Variants in ARMH4 observed in about 807,000 individuals in gnomAD.
The protein encoded by ARMH4 is armadillo like helical domain containing 4.
Under a neutral mutation model 61.9 loss-of-function variants are expected in ARMH4, and 49 were observed. The ratio of observed to expected loss-of-function variants is 0.79; its 90% confidence interval spans 0.63 to 1.00. ARMH4 has a LOEUF of 1.00. ARMH4 is among the 50% of genes least tolerant of loss of function. The probability of loss-of-function intolerance (pLI) is 0.00; values close to 1 mark genes in which losing one functional copy is unlikely to be tolerated. For missense variants in ARMH4, 934 were observed against 930.0 expected (o/e 1.00, Z -0.06); for synonymous variants, 368 against 341.5 (o/e 1.08, Z -0.85).
At chr14:58,115,741 A>T (rs982774414) in intron 4 of ARMH4, among the ~76,000 whole-genome samples, 2 of 152,212 alleles carry the variant, frequency 1.3e-5, no homozygotes, top group Non-Finnish European at 2.9e-5. Context: ...AGCCATAAAA[A>T]ATCATTTCCT....
chr14:58,138,352 G>T lies in ARMH4; in HGVS notation c.1007C>A (p.Thr336Asn), dbSNP rs150529024. The part of the protein sequence containing the change: ...RTPKLGDNEE[T>N]QVRTEMSQTA... The stretch of plus-strand genomic sequence containing the variant: ...CTGAGACATCTCCGTTCTCACCTGA[G>T]TCTCTTCATTGTCTCCAAGCTTGGG... Residue 336 changes from threonine to asparagine, a missense_variant, in exon 2 of 8, where the codon ACT (threonine) becomes AAT (asparagine). By Grantham distance (65) the Thr-to-Asn change is moderately conservative. Transcript: ENST00000267485. 4 of 1,614,128 alleles carry T rather than the reference G, an allele frequency of 2.5e-6. No homozygotes were observed. The highest frequency in any genetic ancestry group is 1.6e-4 in the Middle Eastern group (1 of 6,062).
intron 5 of ARMH4, among the ~76,000 whole-genome samples, chr14:58,020,953 G>A (rs764973608): frequency 6.6e-6 from 1 of 151,978 alleles, no homozygotes; most frequent in Non-Finnish European, 1.5e-5. Context: ...CAGGAGAGCT[G>A]ATGTAGTCCA....
At position 58,062,615 on chromosome 14, in the gene ARMH4, T is replaced by G. The variant is rs112503254; in HGVS notation, c.2089+34109A>C. On this transcript the variant is annotated intron_variant, in intron 5 of 7. Coordinates refer to ENST00000267485, the MANE Select transcript of ARMH4 (RefSeq NM_001001872.4). ...AACAGTGACCACTAAATGTTAGCTA[T>G]GTGCCGGGCACGAGGCTAAGTGTTC... Among the ~76,000 whole-genome samples, 624 of 152,354 alleles carry G rather than the reference T, an allele frequency of 4.1e-3. 6 individuals are homozygous for G. The highest frequency in any genetic ancestry group is 0.014 in the African/African-American group (594 of 41,582).
chr14:58,082,660 G>A (rs1490459899), intron 5 of ARMH4, among the ~76,000 whole-genome samples: 1 of 152,040 alleles, frequency 6.6e-6, no homozygotes, highest in East Asian at 1.9e-4. Context: ...ATCCTGCCTC[G>A]CATTACACAT....
intron 5 of ARMH4, among the ~76,000 whole-genome samples, chr14:58,039,722 A>G (rs1883620521): frequency 6.6e-6 from 1 of 152,134 alleles, no homozygotes; most frequent in Admixed American, 6.5e-5. Flanking sequence ...ACCTACTAGA[A>G]TTTCCTGCTT....
chr14:58,032,227 A>C (rs1883268060), intron 5 of ARMH4, among the ~76,000 whole-genome samples: 1 of 152,118 alleles, frequency 6.6e-6, no homozygotes, highest in Non-Finnish European at 1.5e-5. Flanking sequence ...AGCACCAGAG[A>C]AGGCCTGGCA....
In ARMH4 at chr14:58,121,883, G is replaced by A. The variant is rs566647569; in HGVS notation, c.1831+9629C>T. Among the ~76,000 whole-genome samples, 11 of 152,254 alleles carry A rather than the reference G, an allele frequency of 7.2e-5. No individual in the cohort carries two copies. The South Asian group carries it at 1.7e-3, about 23-fold the overall frequency. On this transcript the variant is annotated intron_variant, in intron 4 of 7. Coordinates refer to ENST00000267485, the MANE Select transcript of ARMH4 (RefSeq NM_001001872.4). The stretch of plus-strand genomic sequence containing the variant: ...AAAGTATTAGATGTTTCATGTGTTC[G>A]TGTTAATAGTTATAAAATTATTTTT...
chr14:58,018,698 A>T (rs1444483134), intron 5 of ARMH4, among the ~76,000 whole-genome samples: 1 of 152,250 alleles, frequency 6.6e-6, no homozygotes. Flanking sequence ...TACAGCCATT[A>T]TAGAAAACAG....
intron 1 of ARMH4, among the ~76,000 whole-genome samples, chr14:58,146,871 A>G (rs1243098264): frequency 6.6e-6 from 1 of 152,256 alleles, no homozygotes; most frequent in Non-Finnish European, 1.5e-5. Flanking sequence ...TACTACTTCC[A>G]GTGTCAACTG....
At chr14:58,076,836 C>T (rs974248698) in intron 5 of ARMH4, among the ~76,000 whole-genome samples, 2 of 152,134 alleles carry the variant, frequency 1.3e-5, no homozygotes, top group Admixed American at 6.6e-5. Context: ...TTGGGAGCAA[C>T]TAACTGCTAA....
rs1594779707 is a variant in ARMH4, at chr14:58,138,203, T to A, written c.1156A>T (p.Asn386Tyr). Residue 386 changes from asparagine (N) to tyrosine (Y), a missense_variant, in exon 2 of 8, where the codon AAT becomes TAT. Asn to Tyr is a moderately radical substitution (Grantham distance 143). Coordinates refer to ENST00000267485, the MANE Select transcript of ARMH4 (RefSeq NM_001001872.4). Reference protein sequence around the residue: ...TGTALLIAHGNERSPAFTDQS... With the variant: ...TGTALLIAHGYERSPAFTDQS... ...TCAGTGAAAGCAGGTGATCTCTCAT[T>A]CCCATGCGCTATTAGCAGGGCTGTG... 1 of 1,614,158 alleles carries A rather than the reference T, an allele frequency of 6.2e-7. No individual in the cohort carries two copies. Among genetic ancestry groups the A allele is most frequent in the African/African-American group, 1.3e-5 (1 of 75,034 alleles).
Position 58,121,357 on chromosome 14 carries a change from G to GCA in ARMH4, c.1831+10153_1831+10154dup, listed in dbSNP as rs150756625. 7.9e-5 allele frequency among the ~76,000 whole-genome samples: 12 copies of GCA among 151,844 alleles called. 1 individual carries two copies. Among genetic ancestry groups the GCA allele is most frequent in the Middle Eastern group, 6.3e-3 (2 of 316 alleles). On this transcript the variant is annotated intron_variant, in intron 4 of 7. Coordinates refer to ENST00000267485, the MANE Select transcript of ARMH4 (RefSeq NM_001001872.4). ...GCAGTGCCGGACTGGCAAAAAAAAG[G>GCA]CACACACACACACAAAAAATAGATG...
At chr14:58,012,038 C>T in intron 6 of ARMH4, 81 bp downstream of exon 6, 1 of 973,966 alleles carries the variant, frequency 1.0e-6, no homozygotes, top group Non-Finnish European at 1.5e-6. Context: ...TAAACCAAAG[C>T]CCTACTACTC....
At chr14:58,009,001 C>T (rs367843953) in intron 6 of ARMH4, among the ~76,000 whole-genome samples, 3 of 152,316 alleles carry the variant, frequency 2.0e-5, no homozygotes, top group Admixed American at 6.5e-5. Flanking sequence ...CAAGTTAAAA[C>T]TTGCCTAACA....
chr14:58,135,560 C>G (rs1321033784), intron 2 of ARMH4, among the ~76,000 whole-genome samples: 1 of 151,022 alleles, frequency 6.6e-6, no homozygotes, highest in East Asian at 1.9e-4. Flanking sequence ...AAAGTGAGAA[C>G]TAGAAATAGT....
In ARMH4 at chr14:58,112,175, A is replaced by G. The variant is rs557591804; in HGVS notation, c.1832-15194T>C. Among the ~76,000 whole-genome samples the G allele has an allele frequency of 1.1e-3, 170 of 152,344 alleles. 1 individual carries two copies. The highest frequency in any genetic ancestry group is 3.0e-3 in the Admixed American group (46 of 15,294). ...GTCCATAACACTGATAAAGGGTGTC[A>G]ACAAGAAACCTCTGGCTAACATCAT... On this transcript the variant is annotated intron_variant, in intron 4 of 7. Coordinates refer to ENST00000267485, the MANE Select transcript of ARMH4 (RefSeq NM_001001872.4).
At chr14:58,049,516 T>C (rs1329717740) in intron 5 of ARMH4, among the ~76,000 whole-genome samples, 2 of 152,162 alleles carry the variant, frequency 1.3e-5, no homozygotes, top group African/African-American at 2.4e-5. Flanking sequence ...GAACAGCCCA[T>C]GTAATTTCTC....
At chr14:58,071,211 G>A (rs1459613013) in intron 5 of ARMH4, among the ~76,000 whole-genome samples, 1 of 151,034 alleles carries the variant, frequency 6.6e-6, no homozygotes. Flanking sequence ...CTTTTGCAAT[G>A]ACAATGATAA....
At chr14:58,066,598 A>T (rs1212850480) in intron 5 of ARMH4, among the ~76,000 whole-genome samples, 1 of 152,160 alleles carries the variant, frequency 6.6e-6, no homozygotes, top group Non-Finnish European at 1.5e-5. Context: ...AAAAATAATT[A>T]ATGTTATAAA....
Sources: gnomAD v4.1 joint callset for allele counts (sites outside exome capture counted in the v4.1 genomes callset) on GRCh38, gnomAD v4.1.1 for gene constraint, MANE v1.5 for transcripts, NCBI Gene and HGNC (gene_info 2026-07-23, HGNC 2026-07-21) for gene names.